The following DOCK3 variants were observed in gnomAD, a reference collection of about 807,000 sequenced individuals.
DOCK3 encodes the protein dedicator of cytokinesis protein 3.
Under a neutral mutation model 265.6 loss-of-function variants are expected in DOCK3, and 60 were observed. The observed-to-expected ratio is 0.23, with a 90% CI of 0.18 to 0.28. The LOEUF is 0.28. Among genes scored for constraint, DOCK3 ranks in the 10% least tolerant of loss-of-function variants. DOCK3 has a pLI of 1.00. For missense variants in DOCK3, 1,981 were observed against 2,594.3 expected (o/e 0.76, Z 5.14); for synonymous variants, 881 against 938.0 (o/e 0.94, Z 1.11).
intron 1 of DOCK3, among the ~76,000 whole-genome samples, chr3:50,753,619 T>C (rs1202246950): frequency 1.3e-5 from 2 of 152,174 alleles, no homozygotes; most frequent in East Asian, 3.9e-4. Context: ...TGTCTTGGCC[T>C]CCCAAATTGC....
intron 41 of DOCK3, 133 bp downstream of exon 41, chr3:51,355,156 C>A: frequency 1.6e-6 from 2 of 1,280,416 alleles, no homozygotes; most frequent in Non-Finnish European, 1.0e-6. Context: ...CTGAGTGTGT[C>A]CTCATTGCTT....
At chr3:51,146,093 T>A (rs1007134034) in intron 9 of DOCK3, among the ~76,000 whole-genome samples, 2 of 152,058 alleles carry the variant, frequency 1.3e-5, no homozygotes, top group Admixed American at 1.3e-4. Flanking sequence ...CAGCCCAGGG[T>A]TGGGGACTTC....
intron 21 of DOCK3, among the ~76,000 whole-genome samples, chr3:51,243,219 C>T (rs1412121005): frequency 1.3e-5 from 2 of 152,206 alleles, no homozygotes; most frequent in African/African-American, 4.8e-5. Context: ...ACTACAGACA[C>T]TCCCATACCA....
At chr3:50,960,401 T>G (rs552617009) in intron 5 of DOCK3, among the ~76,000 whole-genome samples, 4 of 152,308 alleles carry the variant, frequency 2.6e-5, no homozygotes, top group African/African-American at 9.6e-5. Context: ...ATTCTCTGTG[T>G]GAGAAATGGT....
At chr3:51,365,850 G>C (rs2087114223) in intron 49 of DOCK3, among the ~76,000 whole-genome samples, 1 of 152,166 alleles carries the variant, frequency 6.6e-6, no homozygotes, top group Non-Finnish European at 1.5e-5. Flanking sequence ...CTTGATTGTG[G>C]TGGATAAGCT....
At chr3:50,911,324 T>A (rs932593648) in intron 4 of DOCK3, among the ~76,000 whole-genome samples, 6 of 152,130 alleles carry the variant, frequency 3.9e-5, no homozygotes, top group Admixed American at 3.9e-4. Flanking sequence ...CATTTCAAAT[T>A]GACTTTTGTA....
chr3:51,085,231 G>A (rs1489732056), intron 7 of DOCK3, among the ~76,000 whole-genome samples: 1 of 152,112 alleles, frequency 6.6e-6, no homozygotes, highest in Non-Finnish European at 1.5e-5. Flanking sequence ...TAATAGTTGG[G>A]GACTTCAGCA....
At chr3:50,763,746 T>C (rs751812591) in intron 1 of DOCK3, among the ~76,000 whole-genome samples, 1 of 152,232 alleles carries the variant, frequency 6.6e-6, no homozygotes, top group Non-Finnish European at 1.5e-5. Context: ...TCATTCCTGA[T>C]ATTAGTAATT....
intron 1 of DOCK3, among the ~76,000 whole-genome samples, chr3:50,729,322 CAA>C (rs1271946003): frequency 3.9e-5 from 5 of 126,928 alleles, no homozygotes; most frequent in Non-Finnish European, 5.0e-5. Context: ...GACCTGTCTC[CAA>C]AAAAAAAAAA....
At chr3:51,177,729 A>G (rs1359117430) in intron 12 of DOCK3, among the ~76,000 whole-genome samples, 2 of 152,182 alleles carry the variant, frequency 1.3e-5, no homozygotes, top group African/African-American at 4.8e-5. Context: ...AGTGGCTCAC[A>G]TCTGTAATCC....
chr3:51,128,020 C>A (rs1474895047), intron 9 of DOCK3, among the ~76,000 whole-genome samples: 1 of 152,206 alleles, frequency 6.6e-6, no homozygotes, highest in African/African-American at 2.4e-5. Flanking sequence ...CACTGTAACT[C>A]CCTTCTTTGC....
chr3:51,260,371 C>T (rs1231581483), intron 23 of DOCK3, 45 bp downstream of exon 23: 1 of 1,547,162 alleles, frequency 6.5e-7, no homozygotes, highest in African/African-American at 1.4e-5. Flanking sequence ...TCCTCTTTCT[C>T]AGTGGGTGGT....
intron 4 of DOCK3, among the ~76,000 whole-genome samples, chr3:50,914,998 G>A (rs2050043410): frequency 6.6e-6 from 1 of 152,044 alleles, no homozygotes; most frequent in Non-Finnish European, 1.5e-5. Flanking sequence ...CCTGGGTCTT[G>A]GGGTTTAGGT....
At chr3:51,011,194 G>A (rs1199856470) in intron 5 of DOCK3, among the ~76,000 whole-genome samples, 1 of 152,096 alleles carries the variant, frequency 6.6e-6, no homozygotes, top group Non-Finnish European at 1.5e-5. Flanking sequence ...AAGTTCTCCT[G>A]GATAATATCC....
At chr3:51,293,711 C>T (rs2081919094) in intron 27 of DOCK3, among the ~76,000 whole-genome samples, 1 of 152,136 alleles carries the variant, frequency 6.6e-6, no homozygotes, top group African/African-American at 2.4e-5. Context: ...AATTACATGT[C>T]AGATAAGGGA....
intron 22 of DOCK3, among the ~76,000 whole-genome samples, chr3:51,247,181 G>T (rs1045449465): frequency 6.6e-6 from 1 of 152,160 alleles, no homozygotes; most frequent in Non-Finnish European, 1.5e-5. Context: ...TTTTTTGGTA[G>T]TTACTAAGCA....
chr3:51,176,134 G>T (rs1166583356), intron 12 of DOCK3, among the ~76,000 whole-genome samples: 1 of 152,224 alleles, frequency 6.6e-6, no homozygotes, highest in Non-Finnish European at 1.5e-5. Flanking sequence ...GAGCCAGAGT[G>T]AAGAAAGTGA....
At chr3:50,933,737 A>G (rs1422386260) in intron 4 of DOCK3, among the ~76,000 whole-genome samples, 2 of 152,222 alleles carry the variant, frequency 1.3e-5, no homozygotes, top group Non-Finnish European at 2.9e-5. Flanking sequence ...GTGTGTTTTA[A>G]GGATAGCATT....
chr3:51,344,408 G>C (rs1229058436), intron 38 of DOCK3, among the ~76,000 whole-genome samples: 1 of 152,176 alleles, frequency 6.6e-6, no homozygotes, highest in Admixed American at 6.5e-5. Context: ...ATCACTTGAG[G>C]TCAGGAGTTC....
Sources: allele counts gnomAD v4.1 joint callset (sites outside exome capture counted in the v4.1 genomes callset), GRCh38; gene constraint gnomAD v4.1.1; transcripts MANE v1.5; gene names NCBI Gene and HGNC (gene_info 2026-07-23, HGNC 2026-07-21).